Variants in MSRA observed in about 807,000 individuals in gnomAD.
MSRA encodes mitochondrial peptide methionine sulfoxide reductase.
A neutral mutation model predicts 31.3 loss-of-function variants in MSRA; 54 were observed. That is an observed-to-expected ratio of 1.73 (90% CI 1.39 to 2.17). MSRA has a LOEUF of 2.17. Ranked by LOEUF, MSRA falls within the 30% of genes most tolerant of loss-of-function variation. The probability of loss-of-function intolerance (pLI) is 0.00; values close to 1 mark genes in which losing one functional copy is unlikely to be tolerated. For synonymous variants in MSRA, 169 were observed against 116.5 expected, an observed-to-expected ratio of 1.45 and a Z score of -2.90; for missense variants, 507 against 300.9, an observed-to-expected ratio of 1.69 and a Z score of -5.07.
chr8:10,308,395 G>A (rs761093072), intron 4 of MSRA, among the ~76,000 whole-genome samples: 2 of 152,128 alleles, frequency 1.3e-5, no homozygotes, highest in Non-Finnish European at 1.5e-5. Flanking sequence ...CCCGGCACTC[G>A]CTGTGCGGAC....
intron 1 of MSRA, among the ~76,000 whole-genome samples, chr8:10,128,827 G>A (rs1801683706): frequency 6.6e-6 from 1 of 152,146 alleles, no homozygotes; most frequent in African/African-American, 2.4e-5. Context: ...TTTACTAAAT[G>A]TTTACGTTGC....
At chr8:10,079,378 C>G (rs988110374) in intron 1 of MSRA, among the ~76,000 whole-genome samples, 1 of 152,106 alleles carries the variant, frequency 6.6e-6, no homozygotes. Context: ...TTGTCTCGAA[C>G]TCGTGGGCTC....
intron 5 of MSRA, among the ~76,000 whole-genome samples, chr8:10,423,977 A>AG (rs1808973412): frequency 6.6e-6 from 1 of 152,242 alleles, no homozygotes; most frequent in Non-Finnish European, 1.5e-5. Context: ...GGAGAGACAC[A>AG]GACAGTCCTG....
At chr8:10,166,475 A>G (rs944227118) in intron 1 of MSRA, among the ~76,000 whole-genome samples, 2 of 152,122 alleles carry the variant, frequency 1.3e-5, no homozygotes, top group Admixed American at 6.5e-5. Context: ...TTACATGACT[A>G]CATATGTGTG....
intron 1 of MSRA, among the ~76,000 whole-genome samples, chr8:10,170,069 T>G (rs962923031): frequency 7.5e-6 from 1 of 133,976 alleles, no homozygotes; most frequent in Non-Finnish European, 1.5e-5. Flanking sequence ...TTTTTTTAAG[T>G]AGAGACAGGG....
intron 1 of MSRA, among the ~76,000 whole-genome samples, chr8:10,201,466 C>A (rs377434436): frequency 5.3e-4 from 81 of 152,270 alleles, no homozygotes; most frequent in Admixed American, 1.4e-3. Context: ...GTCCCCTGGT[C>A]ACCCAGTCCC....
At chr8:10,262,294 A>G (rs1798524326) in intron 3 of MSRA, among the ~76,000 whole-genome samples, 6 of 152,230 alleles carry the variant, frequency 3.9e-5, no homozygotes, top group Admixed American at 3.9e-4. Context: ...CTTTGCCATA[A>G]ATTGTCAAAC....
intron 3 of MSRA, among the ~76,000 whole-genome samples, chr8:10,283,836 T>TATATATATATATATACACACAC (rs1261287031): frequency 7.5e-5 from 4 of 53,158 alleles, no homozygotes; most frequent in East Asian, 1.7e-3. Flanking sequence ...TATATATATA[T>TATATATATATATATACACACAC]ACACACACAC....
chr8:10,253,330 A>C (rs1798014918), intron 3 of MSRA, among the ~76,000 whole-genome samples: 1 of 152,180 alleles, frequency 6.6e-6, no homozygotes, highest in Non-Finnish European at 1.5e-5. Context: ...TTGATATTTT[A>C]ATATTCTATA....
At chr8:10,286,781 T>C (rs1366274254) in intron 3 of MSRA, among the ~76,000 whole-genome samples, 4 of 152,240 alleles carry the variant, frequency 2.6e-5, no homozygotes, top group African/African-American at 9.6e-5. Flanking sequence ...CTCACATGTA[T>C]TGAATTCCTG....
intron 2 of MSRA, among the ~76,000 whole-genome samples, chr8:10,233,009 G>C (rs1811624253): frequency 6.6e-6 from 1 of 152,214 alleles, no homozygotes; most frequent in East Asian, 1.9e-4. Flanking sequence ...TCCTAGGGGA[G>C]GTGGTGGTGG....
intron 1 of MSRA, among the ~76,000 whole-genome samples, chr8:10,182,664 G>T (rs1291521440): frequency 6.6e-6 from 1 of 152,214 alleles, no homozygotes; most frequent in African/African-American, 2.4e-5. Flanking sequence ...ACATCATGGA[G>T]AATGGGGGAG....
At chr8:10,372,889 C>G (rs1052456733) in intron 5 of MSRA, among the ~76,000 whole-genome samples, 1 of 152,162 alleles carries the variant, frequency 6.6e-6, no homozygotes, top group Admixed American at 6.5e-5. Flanking sequence ...GTTGTTATTA[C>G]TAACATTATT....
At chr8:10,316,548 C>G (rs1585446858) in intron 4 of MSRA, among the ~76,000 whole-genome samples, 1 of 107,776 alleles carries the variant, frequency 9.3e-6, no homozygotes, top group African/African-American at 4.5e-5. Context: ...CTCTCTCTCT[C>G]TCTCTCTCTC....
chr8:10,095,610 A>T (rs570261500), intron 1 of MSRA: 1 of 987,906 alleles, frequency 1.0e-6, no homozygotes, highest in South Asian at 4.7e-5. Context: ...GAAAGAAAAA[A>T]AGGCAAGACT....
At chr8:10,290,432 A>T (rs1800169642) in intron 3 of MSRA, among the ~76,000 whole-genome samples, 1 of 151,608 alleles carries the variant, frequency 6.6e-6, no homozygotes. Flanking sequence ...CAATTCTGAG[A>T]CTTTGTTGAA....
intron 2 of MSRA, among the ~76,000 whole-genome samples, chr8:10,226,226 G>T (rs767395068): frequency 6.6e-6 from 1 of 152,212 alleles, no homozygotes; most frequent in South Asian, 2.1e-4. Context: ...TCTTGCCTAG[G>T]CCTCAGTTTT....
intron 1 of MSRA, among the ~76,000 whole-genome samples, chr8:10,101,643 T>C (rs1212491380): frequency 6.6e-6 from 1 of 152,206 alleles, no homozygotes; most frequent in Admixed American, 6.5e-5. Flanking sequence ...ACAGTGTTTG[T>C]CCTTTTGTGA....
chr8:10,408,856 A>G (rs1211166357), intron 5 of MSRA, among the ~76,000 whole-genome samples: 2 of 151,986 alleles, frequency 1.3e-5, no homozygotes, highest in Non-Finnish European at 2.9e-5. Context: ...ACTTAGCATA[A>G]TGGCCTCCAG....
Sources: allele counts gnomAD v4.1 joint callset (sites outside exome capture counted in the v4.1 genomes callset), GRCh38; gene constraint gnomAD v4.1.1; transcripts MANE v1.5; gene names NCBI Gene and HGNC (gene_info 2026-07-23, HGNC 2026-07-21).